KCNAB3: variants seen among roughly 807,000 people sequenced by gnomAD.
KCNAB3 encodes voltage-gated potassium channel subunit beta-3.
A neutral mutation model predicts 67.7 loss-of-function variants in KCNAB3; 62 were observed. That is an observed-to-expected ratio of 0.92 (90% CI 0.75 to 1.13). KCNAB3 has a LOEUF of 1.13. Among genes scored for constraint, KCNAB3 ranks in the 50% most tolerant of loss-of-function variants. The pLI is 0.00. For synonymous variants in KCNAB3, 212 were observed against 205.4 expected (o/e 1.03, Z -0.27); for missense variants, 514 against 522.9 (o/e 0.98, Z 0.17).
rs1567890626 is a variant in KCNAB3 at position 7,923,713 on chromosome 17, AT to A, written c.1045del (p.Ile349LeufsTer23). The A allele has an allele frequency of 6.4e-7, 1 of 1,559,710 alleles. No homozygotes were observed. The highest frequency in any genetic ancestry group is 1.9e-5 in the Admixed American group (1 of 51,830). ...QLGCTVAQLA[I>X]AWCLRSEGVS... ...CCCTGCAGGGTGCAATGTCTCACCA[AT>A]AGCAAGCTGGGCCACGGTGCAGCCC... is the stretch of plus-strand genomic sequence containing the variant. On this transcript the variant is annotated frameshift_variant, in exon 12 of 14. Transcript: ENST00000303790. LOFTEE classifies it high-confidence loss of function.
Position 7,926,217 on chromosome 17 carries a change from A to G in KCNAB3, c.405-114T>C, listed in dbSNP as rs1972226150. ...AGGATATAAACCAGGAGTCCATTTC[A>G]GCTCACAGCCCCATCCTGGACAAAA... is the stretch of plus-strand genomic sequence containing the variant. On this transcript the variant is annotated intron_variant, in intron 4 of 13. Coordinates refer to ENST00000303790, the MANE Select transcript of KCNAB3 (RefSeq NM_004732.4). 4.2e-6 allele frequency: 5 copies of G among 1,194,470 alleles called. No homozygotes were observed. The South Asian group carries it at 6.5e-5, about 16-fold the overall frequency. The allele number at this position is 1,194,470 out of a possible 1,614,324, so 74.0% of individuals were successfully genotyped here.
At position 7,922,893 on chromosome 17, in the gene KCNAB3, G is replaced by A. The variant is rs1385369991; in HGVS notation, c.*209C>T. The A allele has an allele frequency of 1.0e-5, 6 of 588,636 alleles. No individual in the cohort carries two copies. The highest frequency in any genetic ancestry group is 7.9e-5 in the South Asian group (4 of 50,628). The allele number at this position is 588,636 out of a possible 1,614,324, so 36.5% of individuals were successfully genotyped here. On this transcript the variant is annotated 3_prime_UTR_variant, in exon 14 of 14. Transcript: ENST00000303790. Reference sequence around the variant, plus strand: ...GGCCTAGAAAGACGCAGCAGGGGGCGGGCGTGCTACTTTCTCTCTCGACCC... The same window carrying A: ...GGCCTAGAAAGACGCAGCAGGGGGCAGGCGTGCTACTTTCTCTCTCGACCC...
At chr17:7,926,606 A>G (rs1216768809) in intron 4 of KCNAB3, among the ~76,000 whole-genome samples, 1 of 152,236 alleles carries the variant, frequency 6.6e-6, no homozygotes, top group Non-Finnish European at 1.5e-5. Flanking sequence ...TTATGAGCTC[A>G]CTTATGACAA....
chr17:7,924,730 A>G lies in KCNAB3; in HGVS notation c.626-230T>C, dbSNP rs1174555123. The G allele has an allele frequency of 2.3e-6, 3 of 1,326,820 alleles. No individual in the cohort carries two copies. The African/African-American group carries it at 4.5e-5, about 20-fold the overall frequency. The allele number at this position is 1,326,820 out of a possible 1,614,324, so 82.2% of individuals were successfully genotyped here. A position where few individuals can be genotyped will look rare whatever the true frequency, so the allele number is the denominator to read the frequency against. On this transcript the variant is annotated intron_variant, in intron 8 of 13. Transcript: ENST00000303790. ...CTGGCTTCCTGCTGAGGGTTTGAGG[A>G]AGTGCTCAATTTTTGTATTTTAGAT...
At chr17:7,927,174 A>G (rs1972259345) in intron 4 of KCNAB3, 170 bp downstream of exon 4, 1 of 688,864 alleles carries the variant, frequency 1.5e-6, no homozygotes, top group Non-Finnish European at 2.6e-6. Context: ...CCAGAGAGGG[A>G]CTAATGTTGG....
rs773006222 is a variant in KCNAB3 at position 7,927,788 on chromosome 17, C to T, written c.281G>A (p.Gly94Asp). 1 of 1,614,124 alleles carries T rather than the reference C, an allele frequency of 6.2e-7. No homozygotes were observed. Among genetic ancestry groups the T allele is most frequent in the South Asian group, 1.1e-5 (1 of 91,074 alleles). The change falls in exon 2 of 14, where the codon GGC becomes GAC. Residue 94 changes from glycine (G) to aspartate (D), a missense_variant. Gly to Asp is a moderately conservative substitution (Grantham distance 94). Transcript: ENST00000303790. Reference sequence around the variant, plus strand: ...TAATCCCTATTCTGACTCACCTAGGCCAAGACAGGATACCCGAAGACCAGA... The same window carrying T: ...TAATCCCTATTCTGACTCACCTAGGTCAAGACAGGATACCCGAAGACCAGA... Reference protein sequence around the residue: ...GKSGLRVSCLGLGTWVTFGSQ... With the variant: ...GKSGLRVSCLDLGTWVTFGSQ...
intron 7 of KCNAB3, 45 bp downstream of exon 7, chr17:7,925,638 G>A: frequency 5.0e-6 from 8 of 1,598,824 alleles, no homozygotes; most frequent in South Asian, 1.1e-5. Flanking sequence ...TACTCCTCTG[G>A]CTTCCATATC....
Position 7,926,117 on chromosome 17 carries a change from A to C in KCNAB3, c.405-14T>G. ...GTTCTTTCAGCCCTAAAAGAAACAT[A>C]AGGCAGAGCCACTGATCCCTTCTAG... is the stretch of plus-strand genomic sequence containing the variant. On this transcript the variant is annotated splice_polypyrimidine_tract_variant and intron_variant, in intron 4 of 13. Transcript: ENST00000303790. The C allele has an allele frequency of 6.2e-7, 1 of 1,614,132 alleles. No homozygotes were observed. The highest frequency in any genetic ancestry group is 8.5e-7 in the Non-Finnish European group (1 of 1,180,020).
chr17:7,923,563 A>G lies in KCNAB3; in HGVS notation c.1049-19T>C. ...CACCACGCTGGGGCCAGAGGAGGAA[A>G]AAAAGAGGACTGATGGGGAACAGTG... is the stretch of plus-strand genomic sequence containing the variant. On this transcript the variant is annotated intron_variant, in intron 12 of 13. Transcript: ENST00000303790. The G allele has an allele frequency of 1.3e-6, 2 of 1,588,390 alleles. No individual in the cohort carries two copies. Among genetic ancestry groups the G allele is most frequent in the Non-Finnish European group, 1.7e-6 (2 of 1,167,304 alleles).
rs1567895240 is a variant in KCNAB3 at position 7,929,811 on chromosome 17, G to A, written c.-376C>T. On this transcript the variant is annotated 5_prime_UTR_variant, in exon 1 of 14. Transcript: ENST00000303790. The surrounding 1 kb of genome is among the most constrained non-coding windows in gnomAD (Gnocchi z 5.7). The stretch of plus-strand genomic sequence containing the variant: ...AGATGCCACTTCAGCGCGAACCGCT[G>A]CGGGACCCGCTGGGCTCCCAGCCGC... The A allele has an allele frequency of 8.1e-5, 84 of 1,031,962 alleles. No homozygotes were observed. Among genetic ancestry groups the A allele is most frequent in the South Asian group, 5.6e-4 (16 of 28,672 alleles). 63.9% of individuals were successfully genotyped at this position (1,031,962 alleles called of 1,614,324 possible). A position where few individuals can be genotyped will look rare whatever the true frequency, so the allele number is the denominator to read the frequency against.
chr17:7,923,216 G>C (rs1414747348), intron 13 of KCNAB3, 37 bp from the exon 14 acceptor site: 2 of 1,590,820 alleles, frequency 1.3e-6, no homozygotes, highest in Non-Finnish European at 1.7e-6. Context: ...GGCAGCCCAT[G>C]CTGGGTCACT....
intron 6 of KCNAB3, 64 bp downstream of exon 6, chr17:7,925,867 C>T (rs1972211832): frequency 6.7e-7 from 1 of 1,503,348 alleles, no homozygotes; most frequent in Non-Finnish European, 9.3e-7. Flanking sequence ...CCCACCCCCA[C>T]CCCATACACC....
rs1027283330 is a variant in KCNAB3, at chr17:7,922,887, G to A, written c.*215C>T. On this transcript the variant is annotated 3_prime_UTR_variant, in exon 14 of 14. Coordinates refer to ENST00000303790, the MANE Select transcript of KCNAB3 (RefSeq NM_004732.4). Reference sequence around the variant, plus strand: ...AAGAAGGGCCTAGAAAGACGCAGCAGGGGGCGGGCGTGCTACTTTCTCTCT... The same window carrying A: ...AAGAAGGGCCTAGAAAGACGCAGCAAGGGGCGGGCGTGCTACTTTCTCTCT... The A allele has an allele frequency of 3.4e-5, 20 of 586,164 alleles. No individual in the cohort carries two copies. In the African/African-American group the frequency reaches 3.7e-4, roughly 11 times the overall value. The allele number at this position is 586,164 out of a possible 1,614,324, so 36.3% of individuals were successfully genotyped here.
In KCNAB3 at chr17:7,929,322, C is replaced by T. The variant is rs1437828825; in HGVS notation, c.114G>A (p.Gly38=). ...PGGGNGGPAG[G]GHGNPPGGGG... ...CACCCCCCGGAGGATTCCCGTGCCC[C>T]CCGCCGGCCGGCCCACCATTACCGC... The change falls in exon 1 of 14, where the codon GGG becomes GGA. Residue 38 remains glycine (G), a synonymous_variant. Coordinates refer to ENST00000303790, the MANE Select transcript of KCNAB3 (RefSeq NM_004732.4). The surrounding 1 kb of genome is among the most constrained non-coding windows in gnomAD (Gnocchi z 5.7). 1 of 1,552,992 alleles carries T rather than the reference C, an allele frequency of 6.4e-7. No homozygotes were observed. Among genetic ancestry groups the T allele is most frequent in the Middle Eastern group, 1.7e-4 (1 of 5,716 alleles).
intron 11 of KCNAB3, 33 bp from the exon 12 acceptor site, chr17:7,923,864 G>A (rs1270330926): frequency 8.7e-5 from 136 of 1,561,756 alleles, no homozygotes; most frequent in Non-Finnish European, 1.1e-4. Flanking sequence ...AGAAGACCCC[G>A]CCATCACCAC....
Position 7,924,372 on chromosome 17 carries a change from G to A in KCNAB3, c.711+43C>T, listed in dbSNP as rs1465592321. Reference sequence around the variant, plus strand: ...TTTGGAGTAACCACGTGAAAAGTGGGAACCAGTTGTGGGACAGGGGCAAGG... The same window carrying A: ...TTTGGAGTAACCACGTGAAAAGTGGAAACCAGTTGTGGGACAGGGGCAAGG... On this transcript the variant is annotated intron_variant, in intron 9 of 13. Transcript: ENST00000303790. 1.9e-6 allele frequency: 3 copies of A among 1,609,282 alleles called. No individual in the cohort carries two copies. The African/African-American group carries it at 4.0e-5, about 21-fold the overall frequency.
chr17:7,923,243 T>G (rs1972102560), intron 13 of KCNAB3, 64 bp from the exon 14 acceptor site: 4 of 1,507,762 alleles, frequency 2.7e-6, no homozygotes, highest in Non-Finnish European at 2.8e-6. Context: ...GGGCATGGGG[T>G]TCCAGTAGCC....
At position 7,929,804 on chromosome 17, in the gene KCNAB3, A is replaced by C; in HGVS notation, c.-369T>G. On this transcript the variant is annotated 5_prime_UTR_variant, in exon 1 of 14. Coordinates refer to ENST00000303790, the MANE Select transcript of KCNAB3 (RefSeq NM_004732.4). This position sits in a 1 kb window ranked among gnomAD's most constrained non-coding sequence, Gnocchi z 5.7. ...GGGAGAGAGATGCCACTTCAGCGCGAACCGCTGCGGGACCCGCTGGGCTCC... is the reference window on the plus strand; with the variant it reads ...GGGAGAGAGATGCCACTTCAGCGCGCACCGCTGCGGGACCCGCTGGGCTCC... 1 of 1,100,882 alleles carries C rather than the reference A, an allele frequency of 9.1e-7. No homozygotes were observed. Among genetic ancestry groups the C allele is most frequent in the Middle Eastern group, 4.1e-4 (1 of 2,410 alleles). 68.2% of individuals were successfully genotyped at this position (1,100,882 alleles called of 1,614,324 possible).
chr17:7,927,312 A>G, intron 4 of KCNAB3, 32 bp downstream of exon 4: 1 of 1,595,866 alleles, frequency 6.3e-7, no homozygotes, highest in South Asian at 1.1e-5. Flanking sequence ...AGCCTTCCAA[A>G]TGGAGCTTAG....
Sources: gnomAD v4.1 joint callset for allele counts (sites outside exome capture counted in the v4.1 genomes callset) on GRCh38, gnomAD v4.1.1 for gene constraint, Gnocchi (gnomAD v3.1) non-coding constraint, MANE v1.5 for transcripts, NCBI Gene and HGNC (gene_info 2026-07-23, HGNC 2026-07-21) for gene names.